Variants in IFT74 observed in about 807,000 individuals in gnomAD.
The protein encoded by IFT74 is intraflagellar transport 74, also known as intraflagellar transport protein 74 homolog.
IFT74 carries 92 observed loss-of-function variants against 96.7 expected under a neutral mutation model. The ratio of observed to expected loss-of-function variants is 0.95; its 90% CI spans 0.80 to 1.13. The LOEUF (loss-of-function observed/expected upper bound fraction) is 1.13, where lower values mean the gene tolerates loss of function less well. Among genes scored for constraint, IFT74 ranks in the 50% most tolerant of loss-of-function variants. IFT74 has a pLI of 0.00. For missense variants in IFT74, 811 were observed against 698.2 expected, an observed-to-expected ratio of 1.16 and a Z score of -1.82; for synonymous variants, 223 against 213.2, an observed-to-expected ratio of 1.05 and a Z score of -0.40.
At chr9:26,947,203 G>A (rs1435514398) in intron 1 of IFT74, 16 of 830,748 alleles carry the variant, frequency 1.9e-5, no homozygotes, top group Middle Eastern at 3.6e-4. Flanking sequence ...GGGCGGCTGG[G>A]AAGGGGCGCG....
chr9:26,966,417 G>T (rs982674263), intron 2 of IFT74, among the ~76,000 whole-genome samples: 1 of 152,002 alleles, frequency 6.6e-6, no homozygotes, highest in Non-Finnish European at 1.5e-5. Flanking sequence ...GCATTTCTCT[G>T]ATGATCAGTG....
Position 27,042,669 on chromosome 9 carries a change from T to A in IFT74, c.1055-2073T>A, listed in dbSNP as rs1023991499. 7.9e-5 allele frequency among the ~76,000 whole-genome samples: 12 copies of A among 152,298 alleles called. No homozygotes were observed. In the East Asian group the frequency reaches 2.3e-3, roughly 29 times the overall value. On this transcript the variant is annotated intron_variant, in intron 13 of 19. Coordinates refer to ENST00000380062, the MANE Select transcript of IFT74 (RefSeq NM_025103.4). ...GAAAAAAGATAAGATGATAGTTAAATCCTTGTAAAGTCTAGGATCCAGGCC... is the reference window on the plus strand; with the variant it reads ...GAAAAAAGATAAGATGATAGTTAAAACCTTGTAAAGTCTAGGATCCAGGCC...
chr9:27,040,512 T>A (rs1305006309), intron 13 of IFT74, among the ~76,000 whole-genome samples: 1 of 123,630 alleles, frequency 8.1e-6, no homozygotes, highest in Non-Finnish European at 1.6e-5. Context: ...ACCATTGCAC[T>A]CCAGCCTGGG....
chr9:27,026,395 A>G (rs949070843), intron 12 of IFT74, among the ~76,000 whole-genome samples: 2 of 152,184 alleles, frequency 1.3e-5, no homozygotes, highest in African/African-American at 2.4e-5. Flanking sequence ...GGGGACTTCA[A>G]TACTCCATTG....
intron 3 of IFT74, among the ~76,000 whole-genome samples, 163 bp downstream of exon 3, chr9:26,978,426 A>T (rs1010167594): frequency 2.6e-5 from 4 of 152,212 alleles, no homozygotes; most frequent in African/African-American, 9.6e-5. Flanking sequence ...TATTACATGT[A>T]ATTATGGCAT....
chr9:26,976,476 C>A (rs570595118), intron 2 of IFT74: 1 of 231,368 alleles, frequency 4.3e-6, no homozygotes, highest in African/African-American at 2.3e-5. Context: ...TGGGGTCGGA[C>A]TGCACAATCT....
At chr9:26,974,525 G>C (rs1827017011) in intron 2 of IFT74, among the ~76,000 whole-genome samples, 1 of 152,072 alleles carries the variant, frequency 6.6e-6, no homozygotes, top group African/African-American at 2.4e-5. Context: ...TTGGGGTATT[G>C]ATTCCTTAAT....
At chr9:26,975,559 A>C (rs1488849761) in intron 2 of IFT74, among the ~76,000 whole-genome samples, 2 of 152,164 alleles carry the variant, frequency 1.3e-5, no homozygotes, top group East Asian at 1.9e-4. Context: ...TATCAGGAGG[A>C]ATTTCATCAC....
intron 16 of IFT74, among the ~76,000 whole-genome samples, chr9:27,053,339 C>T (rs572556290): frequency 6.6e-6 from 1 of 151,952 alleles, no homozygotes; most frequent in South Asian, 2.1e-4. Context: ...AGTCTGTAAT[C>T]GACTTCTTAG....
chr9:27,020,739 G>T (rs897065173), intron 12 of IFT74, among the ~76,000 whole-genome samples: 2 of 152,152 alleles, frequency 1.3e-5, no homozygotes, highest in African/African-American at 4.8e-5. Flanking sequence ...CTCCCAAAGT[G>T]CTGGGTTTAC....
upstream of IFT74, among the ~76,000 whole-genome samples, chr9:26,955,378 C>T (rs1826048599): frequency 6.6e-6 from 1 of 152,176 alleles, no homozygotes; most frequent in Non-Finnish European, 1.5e-5. Flanking sequence ...TGAAGTCCTG[C>T]TTCTGGTTGT....
At chr9:26,990,489 T>C (rs1054445610) in intron 8 of IFT74, among the ~76,000 whole-genome samples, 3 of 152,190 alleles carry the variant, frequency 2.0e-5, no homozygotes, top group Admixed American at 1.3e-4. Context: ...TATTTTTGGT[T>C]TTAACCTGGG....
At chr9:26,947,889 G>T (rs903155325) in intron 1 of IFT74, among the ~76,000 whole-genome samples, 13 of 152,122 alleles carry the variant, frequency 8.5e-5, no homozygotes, top group African/African-American at 3.1e-4. Context: ...GCTGAGATAC[G>T]TATTTTTAAC....
At chr9:26,969,206 A>G (rs1826768794) in intron 2 of IFT74, among the ~76,000 whole-genome samples, 1 of 152,102 alleles carries the variant, frequency 6.6e-6, no homozygotes, top group Non-Finnish European at 1.5e-5. Flanking sequence ...TTGTTGGTAT[A>G]GTTTCCAAAA....
chr9:27,010,604 C>T (rs900915179), intron 9 of IFT74, among the ~76,000 whole-genome samples: 1 of 151,880 alleles, frequency 6.6e-6, no homozygotes, highest in South Asian at 2.1e-4. Context: ...ATGCTCCTGC[C>T]TCAGCCTCCT....
At chr9:27,050,501 A>C (rs969205640) in intron 16 of IFT74, among the ~76,000 whole-genome samples, 2 of 152,050 alleles carry the variant, frequency 1.3e-5, no homozygotes, top group African/African-American at 2.4e-5. Flanking sequence ...TTTGTATGGG[A>C]TCTTTGGTTT....
intron 8 of IFT74, chr9:26,999,714 A>G (rs1828371778): frequency 6.4e-7 from 1 of 1,553,238 alleles, no homozygotes; most frequent in East Asian, 2.3e-5. Context: ...CTGATAGAAA[A>G]GAGAGTATTT....
rs185837907 is a variant in IFT74, at chr9:27,018,371, T to C, written c.934-276T>C. ...AATCCTAGATGTTTATATCAACTTA[T>C]CCAGGCCTGAAGATGAGCTATCCTC... is the stretch of plus-strand genomic sequence containing the variant. On this transcript the variant is annotated intron_variant, in intron 11 of 19. Transcript: ENST00000380062. Among the ~76,000 whole-genome samples, 410 of 152,284 alleles carry C rather than the reference T, an allele frequency of 2.7e-3. 6 individuals carry two copies. Among genetic ancestry groups the C allele is most frequent in the Non-Finnish European group, 4.0e-4 (27 of 68,012 alleles).
At chr9:26,973,939 C>G (rs1020106307) in intron 2 of IFT74, among the ~76,000 whole-genome samples, 18 of 152,194 alleles carry the variant, frequency 1.2e-4, no homozygotes, top group African/African-American at 4.3e-4. Flanking sequence ...AGTGGAAGGA[C>G]TTCTTTTTCC....
Sources: allele counts gnomAD v4.1 joint callset (sites outside exome capture counted in the v4.1 genomes callset), GRCh38; gene constraint gnomAD v4.1.1; transcripts MANE v1.5; gene names NCBI Gene and HGNC (gene_info 2026-07-23, HGNC 2026-07-21).